The following LRP1B variants were observed in gnomAD, a reference collection of about 807,000 sequenced individuals.
LRP1B encodes the protein low-density lipoprotein receptor-related protein 1B.
A neutral mutation model predicts 556.6 loss-of-function variants in LRP1B; 217 were observed. The observed-to-expected ratio is 0.39, with a 90% CI of 0.35 to 0.44. LRP1B has a LOEUF of 0.44. Ranked by LOEUF, LRP1B falls within the 20% of genes least tolerant of loss-of-function variation. The probability of loss-of-function intolerance (pLI) is 1.00; values close to 1 mark genes in which losing one functional copy is unlikely to be tolerated. For synonymous variants in LRP1B, 2,047 were observed against 1,865.8 expected, an observed-to-expected ratio of 1.10 and a Z score of -2.50; for missense variants, 5,053 against 5,620.8, an observed-to-expected ratio of 0.90 and a Z score of 3.23.
chr2:140,483,626 ATATATATATATATATTT>A (rs1257616027), intron 59 of LRP1B, among the ~76,000 whole-genome samples: 14 of 44,052 alleles, frequency 3.2e-4, no homozygotes, highest in Non-Finnish European at 6.6e-4. Context: ...ATATATATAT[ATATATATATATATATTT>A]TTTTTTTTTT....
chr2:141,947,990 C>T (rs933346043), intron 1 of LRP1B, among the ~76,000 whole-genome samples: 4 of 151,880 alleles, frequency 2.6e-5, no homozygotes, highest in African/African-American at 7.3e-5. Flanking sequence ...CCTCAGTTTT[C>T]TCATTTATAA....
intron 3 of LRP1B, among the ~76,000 whole-genome samples, chr2:141,309,167 G>C (rs1686716031): frequency 1.3e-5 from 2 of 152,088 alleles, no homozygotes. Flanking sequence ...TTGTTGGCTT[G>C]CTTATTTTCA....
intron 2 of LRP1B, among the ~76,000 whole-genome samples, chr2:141,780,213 G>A (rs1345452141): frequency 6.6e-6 from 1 of 151,918 alleles, no homozygotes; most frequent in Admixed American, 6.6e-5. Flanking sequence ...TTATCCAAAT[G>A]TGTCAATTAT....
Position 140,304,117 on chromosome 2 carries a change from C to T in LRP1B, c.12806-6148G>A, listed in dbSNP as rs545994185. Among the ~76,000 whole-genome samples the T allele has an allele frequency of 1.1e-4, 16 of 152,294 alleles. No individual in the cohort carries two copies. In the South Asian group the frequency reaches 2.5e-3, roughly 24 times the overall value. On this transcript the variant is annotated intron_variant, in intron 83 of 90. Transcript: ENST00000389484. ...CTATTGTGAATAGTTCCGTAATAAA[C>T]GTACGTGTCCATGTGTCTTTACAGC...
chr2:141,315,287 T>C (rs1573793883), intron 3 of LRP1B, among the ~76,000 whole-genome samples: 1 of 113,324 alleles, frequency 8.8e-6, no homozygotes, highest in East Asian at 2.7e-4. Flanking sequence ...TGAGACTGAG[T>C]CTTGCTCTGT....
chr2:141,588,744 C>A (rs1687226555), intron 2 of LRP1B, among the ~76,000 whole-genome samples: 1 of 152,010 alleles, frequency 6.6e-6, no homozygotes, highest in Non-Finnish European at 1.5e-5. Context: ...AAATAAGAAC[C>A]CGGTGAATGA....
intron 3 of LRP1B, among the ~76,000 whole-genome samples, chr2:141,423,636 C>A (rs184749560): frequency 1.8e-4 from 28 of 152,208 alleles, no homozygotes; most frequent in Non-Finnish European, 3.8e-4. Flanking sequence ...AAAGTGGTAA[C>A]AATAAAACGC....
intron 1 of LRP1B, among the ~76,000 whole-genome samples, chr2:142,011,019 T>C (rs1174254409): frequency 1.3e-5 from 2 of 152,190 alleles, no homozygotes; most frequent in East Asian, 3.8e-4. Flanking sequence ...TTATTCCTCC[T>C]TCTAGTGAGG....
intron 20 of LRP1B, among the ~76,000 whole-genome samples, chr2:140,931,624 A>G (rs1434329307): frequency 6.6e-6 from 1 of 152,188 alleles, no homozygotes; most frequent in Non-Finnish European, 1.5e-5. Flanking sequence ...ACAGACATTC[A>G]AAGAGTAAGT....
At position 141,857,107 on chromosome 2, in the gene LRP1B, A is replaced by G. The variant is rs1026977271; in HGVS notation, c.83-46706T>C. The stretch of plus-strand genomic sequence containing the variant: ...CCTGTTGTATAATAGCCATTCCACT[A>G]GAGTTAACTTTCTACCCCAAATTGC... On this transcript the variant is annotated intron_variant, in intron 1 of 90. Coordinates refer to ENST00000389484, the MANE Select transcript of LRP1B (RefSeq NM_018557.3). Among the ~76,000 whole-genome samples, 4 of 152,254 alleles carry G rather than the reference A, an allele frequency of 2.6e-5. No individual in the cohort carries two copies. The South Asian group carries it at 8.3e-4, about 32-fold the overall frequency.
chr2:141,584,860 A>G (rs1390030754), intron 2 of LRP1B, among the ~76,000 whole-genome samples: 3 of 152,168 alleles, frequency 2.0e-5, no homozygotes, highest in African/African-American at 7.2e-5. Context: ...ATAGAGACAG[A>G]CAGTAGAATG....
chr2:140,487,506 C>T, intron 58 of LRP1B, 111 bp downstream of exon 58: 1 of 985,688 alleles, frequency 1.0e-6, no homozygotes, highest in South Asian at 1.6e-5. Context: ...AAATTGAAAC[C>T]ACCCTAATGC....
intron 1 of LRP1B, among the ~76,000 whole-genome samples, chr2:141,976,086 TTTCA>T (rs1443843771): frequency 1.3e-5 from 2 of 151,832 alleles, no homozygotes; most frequent in Non-Finnish European, 2.9e-5. Context: ...TTCTAAAATC[TTTCA>T]TTTATCAAAT....
At chr2:141,764,047 C>T (rs1028197982) in intron 2 of LRP1B, among the ~76,000 whole-genome samples, 3 of 152,110 alleles carry the variant, frequency 2.0e-5, no homozygotes, top group Middle Eastern at 3.2e-3. Flanking sequence ...AATTAGTGTT[C>T]TGGACTGAAT....
chr2:141,321,550 T>C (rs1456843033), intron 3 of LRP1B, among the ~76,000 whole-genome samples: 1 of 152,068 alleles, frequency 6.6e-6, no homozygotes, highest in Non-Finnish European at 1.5e-5. Flanking sequence ...TATTACTGAG[T>C]CAACATCTAG....
chr2:141,037,152 T>G (rs1698558014), intron 11 of LRP1B, among the ~76,000 whole-genome samples: 1 of 151,976 alleles, frequency 6.6e-6, no homozygotes, highest in South Asian at 2.1e-4. Context: ...TATTGAAAAC[T>G]GAGGGATGAA....
intron 2 of LRP1B, among the ~76,000 whole-genome samples, chr2:141,779,997 C>A (rs1695199325): frequency 6.6e-6 from 1 of 150,488 alleles, no homozygotes; most frequent in East Asian, 1.9e-4. Context: ...TTTGGTCATG[C>A]TTCACAATAT....
At chr2:141,084,492 A>G (rs1019760798) in intron 7 of LRP1B, among the ~76,000 whole-genome samples, 3 of 152,282 alleles carry the variant, frequency 2.0e-5, no homozygotes, top group African/African-American at 7.2e-5. Flanking sequence ...TACCAATTAT[A>G]TTTTGTTGTT....
At chr2:141,272,842 G>T (rs569203582) in intron 3 of LRP1B, among the ~76,000 whole-genome samples, 23 of 152,178 alleles carry the variant, frequency 1.5e-4, no homozygotes, top group Middle Eastern at 3.4e-3. Flanking sequence ...AGAATTGCAG[G>T]GAAATATAGA....
Sources: allele counts gnomAD v4.1 joint callset (sites outside exome capture counted in the v4.1 genomes callset), GRCh38; gene constraint gnomAD v4.1.1; transcripts MANE v1.5; gene names NCBI Gene and HGNC (gene_info 2026-07-23, HGNC 2026-07-21).